The following ZCWPW2 variants were observed in gnomAD, a reference collection of about 807,000 sequenced individuals.
ZCWPW2 encodes zinc finger CW-type and PWWP domain containing 2, also known as zinc finger CW-type PWWP domain protein 2.
ZCWPW2 carries 45 observed loss-of-function variants against 46.6 expected under a neutral mutation model. The ratio of observed to expected loss-of-function variants is 0.96; its 90% CI spans 0.76 to 1.24. The LOEUF (loss-of-function observed/expected upper bound fraction) is 1.24, where lower values mean the gene tolerates loss of function less well. ZCWPW2 is among the 50% of genes most tolerant of loss of function. ZCWPW2 has a pLI of 0.00. For synonymous variants in ZCWPW2, 152 were observed against 137.1 expected (o/e 1.11, Z -0.76); for missense variants, 429 against 403.9 (o/e 1.06, Z -0.53).
chr3:28,364,585 T>C (rs1705058703), intron 1 of ZCWPW2, among the ~76,000 whole-genome samples: 1 of 152,180 alleles, frequency 6.6e-6, no homozygotes, highest in South Asian at 2.1e-4. Flanking sequence ...TGTAAAACTA[T>C]TCCCTTTTCA....
intron 3 of ZCWPW2, among the ~76,000 whole-genome samples, chr3:28,421,661 A>G (rs1377363441): frequency 6.6e-6 from 1 of 151,860 alleles, no homozygotes; most frequent in Non-Finnish European, 1.5e-5. Context: ...ACTCACTGCC[A>G]TGTCATTCCT....
At chr3:28,416,934 A>T (rs1304378587) in intron 3 of ZCWPW2, among the ~76,000 whole-genome samples, 3 of 141,862 alleles carry the variant, frequency 2.1e-5, no homozygotes, top group African/African-American at 7.9e-5. Context: ...TTTATTGAGG[A>T]TTTCTGCATC....
At chr3:28,390,430 TTTA>T in intron 1 of ZCWPW2, 65 bp from the exon 2 acceptor site, 1 of 955,760 alleles carries the variant, frequency 1.0e-6, no homozygotes, top group Non-Finnish European at 1.2e-6. Context: ...CAAATAATTC[TTTA>T]TTATTTTAAA....
Position 28,509,954 on chromosome 3 carries a change from C to T in ZCWPW2, c.658-4110C>T, listed in dbSNP as rs1447993068. 6.6e-5 allele frequency among the ~76,000 whole-genome samples: 10 copies of T among 152,046 alleles called. No homozygotes were observed. In the South Asian group the frequency reaches 8.3e-4, roughly 13 times the overall value. ...TGAGAGTTGTAAGTTTTATCTCTAA[C>T]GTTTACATTTTTGGTCCATTTTAAC... is the stretch of plus-strand genomic sequence containing the variant. On this transcript the variant is annotated intron_variant, in intron 6 of 9. Transcript: ENST00000383768.
chr3:28,446,976 A>G (rs1342415488), intron 4 of ZCWPW2, among the ~76,000 whole-genome samples: 1 of 152,182 alleles, frequency 6.6e-6, no homozygotes, highest in African/African-American at 2.4e-5. Context: ...GAAGAAATAG[A>G]AAACCTGAGT....
intron 1 of ZCWPW2, among the ~76,000 whole-genome samples, chr3:28,373,447 T>A (rs1039398880): frequency 5.3e-5 from 8 of 151,880 alleles, no homozygotes; most frequent in Non-Finnish European, 1.2e-4. Flanking sequence ...TGGCCATTTG[T>A]ATGTTGTTTT....
intron 1 of ZCWPW2, among the ~76,000 whole-genome samples, chr3:28,381,980 T>C (rs2125711058): frequency 6.6e-6 from 1 of 151,900 alleles, no homozygotes; most frequent in South Asian, 2.1e-4. Context: ...CAGACCAACA[T>C]GGAGAAGCCC....
intron 8 of ZCWPW2, 39 bp from the exon 9 acceptor site, chr3:28,520,953 A>G (rs769764747): frequency 1.2e-6 from 2 of 1,608,036 alleles, no homozygotes; most frequent in Admixed American, 3.4e-5. Flanking sequence ...GAATTAAGTG[A>G]GATGTAGCAT....
intron 4 of ZCWPW2, among the ~76,000 whole-genome samples, chr3:28,439,803 C>G (rs1444604189): frequency 6.6e-6 from 1 of 152,176 alleles, no homozygotes. Flanking sequence ...AAGATATTTT[C>G]TTAGTACAAG....
At chr3:28,380,934 GTATATATATA>G (rs578178124) in intron 1 of ZCWPW2, among the ~76,000 whole-genome samples, 165 of 13,408 alleles carry the variant, frequency 0.012, 25 homozygotes, top group African/African-American at 0.018. Context: ...TATATATTTG[GTATATATATA>G]TATATATATA....
chr3:28,515,510 A>C, intron 7 of ZCWPW2, 44 bp from the exon 8 acceptor site: 2 of 1,416,482 alleles, frequency 1.4e-6, no homozygotes, highest in East Asian at 2.3e-5. Context: ...TTAAATATTC[A>C]TGATTGATCT....
At chr3:28,389,860 T>C (rs1422085501) in intron 1 of ZCWPW2, among the ~76,000 whole-genome samples, 1 of 152,162 alleles carries the variant, frequency 6.6e-6, no homozygotes, top group African/African-American at 2.4e-5. Context: ...AAATTCCTTC[T>C]TACTCAAGGG....
chr3:28,484,243 G>A (rs1334243565), intron 5 of ZCWPW2, among the ~76,000 whole-genome samples: 1 of 151,732 alleles, frequency 6.6e-6, no homozygotes, highest in African/African-American at 2.4e-5. Context: ...TGCTGTTGAT[G>A]TGATTAATTG....
chr3:28,392,377 C>T (rs932378932), intron 2 of ZCWPW2, among the ~76,000 whole-genome samples: 2 of 152,132 alleles, frequency 1.3e-5, no homozygotes, highest in Non-Finnish European at 2.9e-5. Context: ...TAGGGAATTT[C>T]AGTACCCCAC....
chr3:28,456,703 G>T (rs1698435470), intron 4 of ZCWPW2, among the ~76,000 whole-genome samples: 1 of 152,102 alleles, frequency 6.6e-6, no homozygotes, highest in South Asian at 2.1e-4. Flanking sequence ...TTTATCAAAG[G>T]TCTTGTCTGC....
chr3:28,511,942 T>A (rs576859508), intron 6 of ZCWPW2, among the ~76,000 whole-genome samples: 5 of 152,142 alleles, frequency 3.3e-5, no homozygotes, highest in Non-Finnish European at 5.9e-5. Context: ...TTTTTCATAA[T>A]CATGGAAATC....
At chr3:28,404,199 AC>A (rs977009623) in intron 2 of ZCWPW2, among the ~76,000 whole-genome samples, 10 of 151,942 alleles carry the variant, frequency 6.6e-5, no homozygotes, top group African/African-American at 2.2e-4. Flanking sequence ...GAAAAAAAAA[AC>A]ATCAAAAAGT....
intron 1 of ZCWPW2, among the ~76,000 whole-genome samples, chr3:28,390,254 T>C (rs1029066705): frequency 1.3e-5 from 2 of 152,204 alleles, no homozygotes; most frequent in African/African-American, 4.8e-5. Flanking sequence ...AAGAATTATT[T>C]TTATTATTAC....
In ZCWPW2 at chr3:28,397,216, T is replaced by C. The variant is rs115608834; in HGVS notation, c.-14+6599T>C. Among the ~76,000 whole-genome samples, 812 of 152,324 alleles carry C rather than the reference T, an allele frequency of 5.3e-3. 12 individuals carry two copies. The highest frequency in any genetic ancestry group is 0.018 in the African/African-American group (759 of 41,574). ...GGGTACATCAGTCACAAAATAGATA[T>C]ACATTGTAATAAAAATGGATGCTTC... On this transcript the variant is annotated intron_variant, in intron 2 of 9. Coordinates refer to ENST00000383768, the MANE Select transcript of ZCWPW2 (RefSeq NM_001040432.4).
Sources: allele counts gnomAD v4.1 joint callset (sites outside exome capture counted in the v4.1 genomes callset), GRCh38; gene constraint gnomAD v4.1.1; transcripts MANE v1.5; gene names NCBI Gene and HGNC (gene_info 2026-07-23, HGNC 2026-07-21).